The following SLC22A15 variants were observed in gnomAD, a reference collection of about 807,000 sequenced individuals.
The protein encoded by SLC22A15 is flipt 1.
SLC22A15 carries 45 observed loss-of-function variants against 62.7 expected under a neutral mutation model. The observed-to-expected ratio is 0.72, with a 90% confidence interval of 0.56 to 0.92. The LOEUF (loss-of-function observed/expected upper bound fraction) is 0.92, where lower values mean the gene tolerates loss of function less well. Ranked by LOEUF, SLC22A15 falls within the 40% of genes least tolerant of loss-of-function variation. The pLI is 0.00. For synonymous variants in SLC22A15, 264 were observed against 267.0 expected (o/e 0.99, Z 0.11); for missense variants, 622 against 665.6 (o/e 0.93, Z 0.72).
chr1:115,983,424 A>ATG lies in SLC22A15; in HGVS notation c.87+6725_87+6726dup, dbSNP rs139389518. ...GAGAAGCAGGACCCCTAGGATGGAG[A>ATG]TGTGTGTGTGTGTGTGCACGCGCAC... On this transcript the variant is annotated intron_variant, in intron 1 of 11. Coordinates refer to ENST00000369503, the MANE Select transcript of SLC22A15 (RefSeq NM_018420.3). 8.7e-3 allele frequency among the ~76,000 whole-genome samples: 1,312 copies of ATG among 151,214 alleles called. 10 individuals are homozygous for ATG. The highest frequency in any genetic ancestry group is 0.041 in the Middle Eastern group (12 of 294).
At chr1:116,063,502 G>A (rs566445906) in intron 9 of SLC22A15, among the ~76,000 whole-genome samples, 43 of 152,210 alleles carry the variant, frequency 2.8e-4, no homozygotes, top group Non-Finnish European at 5.4e-4. Context: ...GCCTGGGCAG[G>A]TATTCGCTCA....
chr1:116,013,442 T>C (rs987100263), intron 2 of SLC22A15, among the ~76,000 whole-genome samples: 1 of 152,198 alleles, frequency 6.6e-6, no homozygotes, highest in African/African-American at 2.4e-5. Context: ...ATAGAAAGTC[T>C]TAGCCAATAT....
intron 2 of SLC22A15, among the ~76,000 whole-genome samples, chr1:116,010,113 A>T (rs1169000270): frequency 6.6e-6 from 1 of 152,238 alleles, no homozygotes; most frequent in Non-Finnish European, 1.5e-5. Context: ...GCTAATAGCT[A>T]TTGGAGCGAA....
intron 8 of SLC22A15, among the ~76,000 whole-genome samples, chr1:116,042,126 C>A (rs1471568891): frequency 6.6e-6 from 1 of 151,288 alleles, no homozygotes; most frequent in Admixed American, 6.6e-5. Flanking sequence ...GAGTGTGTAG[C>A]CTCCACTCAA....
At position 116,019,587 on chromosome 1, in the gene SLC22A15, T is replaced by G; in HGVS notation, c.306T>G (p.Phe102Leu). The G allele has an allele frequency of 6.3e-7, 1 of 1,599,720 alleles. No individual in the cohort carries two copies. The highest frequency in any genetic ancestry group is 1.1e-5 in the South Asian group (1 of 87,272). ...SSFTSIASEW[F>L]LIANRSYKVS... ...TTTGTTTTATCTTCCTCTAGTGGTT[T>G]TTAATTGCCAACAGATCCTACAAAG... Residue 102 changes from phenylalanine to leucine, a missense_variant, in exon 3 of 12, where the codon TTT (phenylalanine) becomes TTG (leucine). By Grantham distance (22) the Phe-to-Leu change is conservative. Transcript: ENST00000369503.
At chr1:116,020,926 T>A (rs760930587) in intron 4 of SLC22A15, 41 bp downstream of exon 4, 1 of 1,530,018 alleles carries the variant, frequency 6.5e-7, no homozygotes, top group Non-Finnish European at 8.8e-7. Flanking sequence ...GGTGAGCAGC[T>A]CCAGAAAATT....
intron 2 of SLC22A15, among the ~76,000 whole-genome samples, chr1:115,995,995 A>G (rs374800905): frequency 6.6e-6 from 1 of 152,234 alleles, no homozygotes; most frequent in Admixed American, 6.5e-5. Flanking sequence ...AAACATTTCC[A>G]TCACCACAAG....
chr1:116,046,946 G>C (rs1329322358), intron 8 of SLC22A15, among the ~76,000 whole-genome samples: 1 of 152,106 alleles, frequency 6.6e-6, no homozygotes, highest in East Asian at 1.9e-4. Context: ...TTGGGAGGGT[G>C]GCCTAGACCT....
rs116305521 is a variant in SLC22A15, at chr1:116,009,206, C to G, written c.301-10376C>G. ...AGATTCAGGGAGACCTAACAAAGGC[C>G]TCCTCTGTTTCACATGTTTAACACA... On this transcript the variant is annotated intron_variant, in intron 2 of 11. Transcript: ENST00000369503. 2.2e-3 allele frequency among the ~76,000 whole-genome samples: 328 copies of G among 152,208 alleles called. 1 individual carries two copies. Among genetic ancestry groups the G allele is most frequent in the African/African-American group, 7.4e-3 (308 of 41,534 alleles).
intron 10 of SLC22A15, among the ~76,000 whole-genome samples, chr1:116,065,242 C>T (rs1658469323): frequency 6.6e-6 from 1 of 152,138 alleles, no homozygotes; most frequent in Non-Finnish European, 1.5e-5. Flanking sequence ...CTGTTCATTA[C>T]TTAGGCAGGT....
chr1:116,063,227 G>A lies in SLC22A15; in HGVS notation c.1292+345G>A, dbSNP rs78097181. On this transcript the variant is annotated intron_variant, in intron 9 of 11. Transcript: ENST00000369503. ...TCCTGCATCACACATCACAGACATG[G>A]GGACAAGCTCCCTATTCTCACAGAG... Among the ~76,000 whole-genome samples, 198 of 152,172 alleles carry A rather than the reference G, an allele frequency of 1.3e-3. 2 individuals carry two copies. In the East Asian group the frequency reaches 0.031, roughly 24 times the overall value.
chr1:116,026,832 G>T, intron 4 of SLC22A15, 61 bp from the exon 5 acceptor site: 1 of 1,592,476 alleles, frequency 6.3e-7, no homozygotes, highest in Non-Finnish European at 8.6e-7. Context: ...GTAACTTGGG[G>T]TTGGAAATGG....
At chr1:116,065,570 C>G (rs1658479102) in intron 10 of SLC22A15, among the ~76,000 whole-genome samples, 1 of 152,052 alleles carries the variant, frequency 6.6e-6, no homozygotes, top group Non-Finnish European at 1.5e-5. Context: ...GTGTAGATGG[C>G]TAGAGATGAG....
chr1:116,039,149 C>T (rs74868334), intron 8 of SLC22A15, among the ~76,000 whole-genome samples: 155 of 152,290 alleles, frequency 1.0e-3, no homozygotes, highest in African/African-American at 3.4e-3. Flanking sequence ...TAAGAAACAG[C>T]GTAGCAGAGT....
chr1:116,015,658 G>A (rs141492414), intron 2 of SLC22A15, among the ~76,000 whole-genome samples: 23 of 152,238 alleles, frequency 1.5e-4, no homozygotes, highest in South Asian at 4.2e-4. Flanking sequence ...TATCTTGGCC[G>A]TGTAAACAGA....
chr1:116,036,485 G>A (rs1344792731), intron 7 of SLC22A15, among the ~76,000 whole-genome samples: 2 of 152,104 alleles, frequency 1.3e-5, no homozygotes, highest in Admixed American at 1.3e-4. Context: ...GCAGAGGGAA[G>A]GAATGCTACC....
chr1:116,061,116 C>A (rs1271617140), intron 8 of SLC22A15, among the ~76,000 whole-genome samples: 1 of 152,128 alleles, frequency 6.6e-6, no homozygotes, highest in Admixed American at 6.6e-5. Flanking sequence ...ATTTAATGAG[C>A]ACCAGTGTAC....
At chr1:116,049,810 G>T (rs1658006307) in intron 8 of SLC22A15, among the ~76,000 whole-genome samples, 1 of 152,072 alleles carries the variant, frequency 6.6e-6, no homozygotes, top group African/African-American at 2.4e-5. Context: ...GAAACAAAAA[G>T]CCAGTTCTTT....
chr1:115,994,168 A>G (rs544595900), intron 2 of SLC22A15, among the ~76,000 whole-genome samples: 1 of 152,196 alleles, frequency 6.6e-6, no homozygotes, highest in African/African-American at 2.4e-5. Context: ...GCCTATAGCA[A>G]CCACCAGCCC....
Sources: gnomAD v4.1 joint callset for allele counts (sites outside exome capture counted in the v4.1 genomes callset) on GRCh38, gnomAD v4.1.1 for gene constraint, MANE v1.5 for transcripts, NCBI Gene and HGNC (gene_info 2026-07-23, HGNC 2026-07-21) for gene names.